The following ZNF569 variants were observed in gnomAD, a reference collection of about 807,000 sequenced individuals.
The protein encoded by ZNF569 is zinc finger protein 569, also known as DNA-binding protein.
In ZNF569, 38 loss-of-function variants were observed where a neutral mutation model predicts 56.3. That is an observed-to-expected ratio of 0.68 (90% CI 0.52 to 0.88). ZNF569 has a LOEUF of 0.88. Ranked by LOEUF, ZNF569 falls within the 40% of genes least tolerant of loss-of-function variation. The pLI is 0.00. For synonymous variants in ZNF569, 241 were observed against 262.9 expected, an observed-to-expected ratio of 0.92 and a Z score of 0.81; for missense variants, 666 against 809.2, an observed-to-expected ratio of 0.82 and a Z score of 2.15.
At chr19:37,454,025 A>G (rs549591603) in intron 2 of ZNF569, among the ~76,000 whole-genome samples, 2 of 152,270 alleles carry the variant, frequency 1.3e-5, no homozygotes, top group African/African-American at 4.8e-5. Context: ...ACACTTAAAC[A>G]TGAGTATGTC....
At chr19:37,447,441 T>TA (rs2041516292) in intron 2 of ZNF569, among the ~76,000 whole-genome samples, 3 of 152,214 alleles carry the variant, frequency 2.0e-5, no homozygotes, top group Non-Finnish European at 4.4e-5. Flanking sequence ...AGGTGGAATC[T>TA]AAAATAGAAT....
chr19:37,414,234 A>T lies in ZNF569; in HGVS notation c.424T>A (p.Phe142Ile). ...SRHNLYEYDL[F>I]GKCLEHNFDC... ...AAATTATGTTCTAAACACTTTCCAA[A>T]TAAGTCATACTCATAGAGATTGTGT... Residue 142 changes from phenylalanine to isoleucine, a missense_variant, in exon 6 of 6, where the codon TTT becomes ATT. By Grantham distance (21) the Phe-to-Ile change is conservative (BLOSUM62 0). Transcript: ENST00000316950. 6.2e-7 allele frequency: 1 copy of T among 1,613,282 alleles called. No homozygotes were observed. The highest frequency in any genetic ancestry group is 2.2e-5 in the East Asian group (1 of 44,818).
chr19:37,440,095 A>G (rs1190565748), intron 3 of ZNF569, among the ~76,000 whole-genome samples: 1 of 152,116 alleles, frequency 6.6e-6, no homozygotes, highest in Non-Finnish European at 1.5e-5. Context: ...TAGATACCCT[A>G]TTTACCCTGA....
intron 2 of ZNF569, among the ~76,000 whole-genome samples, chr19:37,446,084 T>C (rs930460275): frequency 1.3e-5 from 2 of 152,212 alleles, no homozygotes; most frequent in Non-Finnish European, 2.9e-5. Context: ...AACAGCATGG[T>C]ACTGGTATAA....
At chr19:37,415,537 C>G (rs2040913794) in intron 5 of ZNF569, among the ~76,000 whole-genome samples, 1 of 152,006 alleles carries the variant, frequency 6.6e-6, no homozygotes, top group South Asian at 2.1e-4. Flanking sequence ...CATTGCAGTA[C>G]TAGGTAGTAC....
intron 3 of ZNF569, among the ~76,000 whole-genome samples, chr19:37,444,646 T>C (rs987151289): frequency 6.6e-6 from 1 of 152,140 alleles, no homozygotes; most frequent in African/African-American, 2.4e-5. Context: ...ACAATGAAAA[T>C]TATGTAACAA....
At chr19:37,416,102 G>A (rs2146858620) in intron 5 of ZNF569, among the ~76,000 whole-genome samples, 1 of 151,694 alleles carries the variant, frequency 6.6e-6, no homozygotes, top group Middle Eastern at 3.4e-3. Flanking sequence ...GTGTAGTGGT[G>A]CAAGCCTATA....
chr19:37,439,648 A>T (rs1162289743), intron 3 of ZNF569, among the ~76,000 whole-genome samples: 1 of 152,228 alleles, frequency 6.6e-6, no homozygotes, highest in Non-Finnish European at 1.5e-5. Context: ...CAAGATTTGG[A>T]ATCAAGCTAA....
At chr19:37,451,880 C>G (rs1384413710) in intron 2 of ZNF569, among the ~76,000 whole-genome samples, 1 of 152,162 alleles carries the variant, frequency 6.6e-6, no homozygotes, top group Non-Finnish European at 1.5e-5. Context: ...TTTATATATC[C>G]ATTCAGCCAC....
At chr19:37,420,793 G>A (rs2041022671) in intron 5 of ZNF569, among the ~76,000 whole-genome samples, 1 of 152,124 alleles carries the variant, frequency 6.6e-6, no homozygotes, top group Non-Finnish European at 1.5e-5. Context: ...ATCCTTTCCA[G>A]CCAGTTTTTA....
intron 3 of ZNF569, among the ~76,000 whole-genome samples, chr19:37,438,393 G>A (rs1336989929): frequency 1.3e-5 from 2 of 151,962 alleles, no homozygotes; most frequent in African/African-American, 2.4e-5. Flanking sequence ...CACAAACAGC[G>A]ACAACAAAGA....
intron 2 of ZNF569, among the ~76,000 whole-genome samples, chr19:37,458,893 T>C (rs1314463062): frequency 1.3e-5 from 2 of 152,128 alleles, no homozygotes; most frequent in Non-Finnish European, 2.9e-5. Context: ...AAGAATGCCT[T>C]CAATGGACTC....
intron 5 of ZNF569, among the ~76,000 whole-genome samples, chr19:37,417,904 T>C (rs1426564521): frequency 6.6e-6 from 1 of 151,934 alleles, no homozygotes; most frequent in Non-Finnish European, 1.5e-5. Context: ...GTTAAGAGAC[T>C]AGCCTGGCCA....
At chr19:37,427,798 G>A (rs1335684761) in intron 3 of ZNF569, 1 of 517,502 alleles carries the variant, frequency 1.9e-6, no homozygotes, top group Non-Finnish European at 3.9e-6. Context: ...CCCTCATCTG[G>A]GAGGAAGATC....
At chr19:37,421,555 C>T (rs1461306987) in intron 5 of ZNF569, among the ~76,000 whole-genome samples, 1 of 152,102 alleles carries the variant, frequency 6.6e-6, no homozygotes, top group Non-Finnish European at 1.5e-5. Flanking sequence ...TCTTCTGCAG[C>T]TTCCTCACCT....
intron 5 of ZNF569, among the ~76,000 whole-genome samples, chr19:37,419,725 A>G (rs1036495525): frequency 3.3e-5 from 5 of 152,122 alleles, no homozygotes; most frequent in African/African-American, 1.2e-4. Context: ...TACGTCTCAA[A>G]AAAAAAAAAT....
chr19:37,425,973 G>A lies in ZNF569; in HGVS notation c.143-10C>T, dbSNP rs1175017426. 6 of 1,613,302 alleles carry A rather than the reference G, an allele frequency of 3.7e-6. No homozygotes were observed. Among genetic ancestry groups the A allele is most frequent in the South Asian group, 1.1e-5 (1 of 91,018 alleles). ...TTGGTGAACGGATAGCCTGTCAAAG[G>A]GAAGTTACATAGATTTGGGCATACA... On this transcript the variant is annotated splice_polypyrimidine_tract_variant and intron_variant, in intron 4 of 5. Transcript: ENST00000316950.
At chr19:37,426,827 G>T (rs1198942601) in intron 3 of ZNF569, among the ~76,000 whole-genome samples, 2 of 152,180 alleles carry the variant, frequency 1.3e-5, no homozygotes, top group African/African-American at 4.8e-5. Context: ...TGGAAATGAA[G>T]ATTTATGGGT....
intron 3 of ZNF569, among the ~76,000 whole-genome samples, chr19:37,439,769 T>C (rs1009971477): frequency 1.3e-5 from 2 of 152,212 alleles, no homozygotes; most frequent in Non-Finnish European, 2.9e-5. Flanking sequence ...TGGATGCAAC[T>C]GGAGATCATT....
Sources: gnomAD v4.1 joint callset for allele counts (sites outside exome capture counted in the v4.1 genomes callset) on GRCh38, gnomAD v4.1.1 for gene constraint, MANE v1.5 for transcripts, NCBI Gene and HGNC (gene_info 2026-07-23, HGNC 2026-07-21) for gene names.